ZPBP: variants seen among roughly 807,000 people sequenced by gnomAD.
The protein encoded by ZPBP is zona pellucida binding protein, also known as zona pellucida-binding protein 1.
ZPBP carries 26 observed loss-of-function variants against 44.8 expected under a neutral mutation model. The observed-to-expected ratio is 0.58, with a 90% confidence interval of 0.43 to 0.81. ZPBP has a LOEUF of 0.81. Ranked by LOEUF, ZPBP falls within the 30% of genes least tolerant of loss-of-function variation. The pLI is 0.00. For missense variants in ZPBP, 409 were observed against 434.0 expected, an observed-to-expected ratio of 0.94 and a Z score of 0.51; for synonymous variants, 174 against 153.2, an observed-to-expected ratio of 1.14 and a Z score of -1.00.
intron 3 of ZPBP, among the ~76,000 whole-genome samples, chr7:50,074,516 A>G (rs187609480): frequency 1.3e-5 from 2 of 152,086 alleles, no homozygotes; most frequent in African/African-American, 4.8e-5. Context: ...TCTACTGCCT[A>G]TAAGAAACAC....
chr7:49,961,099 A>G lies in ZPBP; in HGVS notation c.961+22243T>C, dbSNP rs145880193. 5.6e-3 allele frequency among the ~76,000 whole-genome samples: 852 copies of G among 152,306 alleles called. 30 individuals are homozygous for G. The highest frequency in any genetic ancestry group is 0.049 in the Admixed American group (745 of 15,276). On this transcript the variant is annotated intron_variant, in intron 7 of 7. Transcript: ENST00000046087. ...ACACTAACCATATGACCCAGCAATC[A>G]CAGTCATAGGTATTTTTCCAGGAGA...
At chr7:49,941,667 A>G (rs548326509) in intron 7 of ZPBP, among the ~76,000 whole-genome samples, 6 of 152,284 alleles carry the variant, frequency 3.9e-5, no homozygotes, top group African/African-American at 1.4e-4. Context: ...AAGACATATC[A>G]TGTTCATGGG....
In ZPBP at chr7:50,051,176, GA is replaced by G. The variant is rs370738358; in HGVS notation, c.487+6812del. Among the ~76,000 whole-genome samples the G allele has an allele frequency of 1.4e-3, 220 of 152,080 alleles. 3 individuals are homozygous for G. The highest frequency in any genetic ancestry group is 5.1e-3 in the African/African-American group (210 of 41,510). ...AGATATTCATGGGGCAAACAAACAT[GA>G]AAAAAAGCTCAACATCACTGATCAT... On this transcript the variant is annotated intron_variant, in intron 4 of 7. Coordinates refer to ENST00000046087, the MANE Select transcript of ZPBP (RefSeq NM_007009.3).
At chr7:50,062,915 G>A (rs1056521575) in intron 3 of ZPBP, among the ~76,000 whole-genome samples, 3 of 150,432 alleles carry the variant, frequency 2.0e-5, no homozygotes, top group Admixed American at 1.3e-4. Context: ...TTATTTAGGT[G>A]CACCAGCCCA....
chr7:50,074,605 G>C (rs2128845693), intron 3 of ZPBP, among the ~76,000 whole-genome samples: 1 of 151,886 alleles, frequency 6.6e-6, no homozygotes, highest in Middle Eastern at 3.4e-3. Context: ...GAGCAAAAAA[G>C]AGTGGCAATT....
intron 5 of ZPBP, among the ~76,000 whole-genome samples, chr7:50,024,851 G>A (rs747838536): frequency 1.8e-4 from 28 of 151,976 alleles, no homozygotes; most frequent in Admixed American, 3.9e-4. Flanking sequence ...TTACCATGGG[G>A]TGGAGGGGAA....
downstream of ZPBP, among the ~76,000 whole-genome samples, chr7:49,846,227 C>T (rs1789941524): frequency 6.6e-6 from 1 of 152,160 alleles, no homozygotes; most frequent in Non-Finnish European, 1.5e-5. Flanking sequence ...CAAAGAGTCG[C>T]CCCCAAGACT....
At chr7:50,017,304 A>G (rs985142536) in intron 6 of ZPBP, among the ~76,000 whole-genome samples, 1 of 152,048 alleles carries the variant, frequency 6.6e-6, no homozygotes, top group African/African-American at 2.4e-5. Flanking sequence ...TAGCATTTGC[A>G]CTCCCATAAG....
chr7:49,947,907 C>A (rs2128756596), intron 7 of ZPBP, among the ~76,000 whole-genome samples: 1 of 152,324 alleles, frequency 6.6e-6, no homozygotes, highest in South Asian at 2.1e-4. Flanking sequence ...ACCAAAGCTT[C>A]AAGACAAAGT....
chr7:50,039,013 C>A (rs950890410), intron 4 of ZPBP, among the ~76,000 whole-genome samples: 1 of 152,134 alleles, frequency 6.6e-6, no homozygotes, highest in African/African-American at 2.4e-5. Context: ...ACTAGATTAT[C>A]TAAAATGTGA....
chr7:49,999,948 A>C (rs916123113), intron 6 of ZPBP, among the ~76,000 whole-genome samples: 2 of 152,164 alleles, frequency 1.3e-5, no homozygotes, highest in Non-Finnish European at 2.9e-5. Context: ...TGAAGCAAAA[A>C]TTATAACCCC....
intron 2 of ZPBP, among the ~76,000 whole-genome samples, chr7:49,855,951 C>A (rs1366643756): frequency 6.6e-6 from 1 of 152,162 alleles, no homozygotes; most frequent in Admixed American, 6.5e-5. Flanking sequence ...AGACACTAAG[C>A]CCCACAGTTT....
intron 1 of ZPBP, chr7:49,919,204 C>T (rs1793891039): frequency 6.6e-6 from 1 of 152,082 alleles, no homozygotes; most frequent in Admixed American, 6.6e-5. Context: ...CTTACTGAAT[C>T]GATTTATTCA....
rs150443412 is a variant in ZPBP at position 50,055,771 on chromosome 7, A to G, written c.487+2218T>C. ...GGTACCTCATAAGTGCTCAGTAAATATTAGCTATCATTATCATTATTATAA... is the reference window on the plus strand; with the variant it reads ...GGTACCTCATAAGTGCTCAGTAAATGTTAGCTATCATTATCATTATTATAA... On this transcript the variant is annotated intron_variant, in intron 4 of 7. Transcript: ENST00000046087. Among the ~76,000 whole-genome samples the G allele has an allele frequency of 1.9e-3, 284 of 152,310 alleles. 1 individual carries two copies. The highest frequency in any genetic ancestry group is 3.3e-3 in the Non-Finnish European group (222 of 68,004).
chr7:50,078,861 A>G (rs1448020208), intron 3 of ZPBP, among the ~76,000 whole-genome samples: 5 of 151,636 alleles, frequency 3.3e-5, no homozygotes, highest in Admixed American at 6.6e-5. Flanking sequence ...AACAAAACAA[A>G]CAAAAATCAA....
At chr7:50,024,607 GA>G (rs887098906) in intron 5 of ZPBP, among the ~76,000 whole-genome samples, 3 of 151,522 alleles carry the variant, frequency 2.0e-5, no homozygotes, top group Non-Finnish European at 4.4e-5. Context: ...CTCACTTTAA[GA>G]AAAAAAACAT....
At chr7:50,062,434 G>C (rs1252762485) in intron 3 of ZPBP, among the ~76,000 whole-genome samples, 2 of 152,128 alleles carry the variant, frequency 1.3e-5, no homozygotes, top group East Asian at 3.9e-4. Context: ...ACACTACAGG[G>C]CTATAGTAAC....
chr7:49,973,551 A>G (rs1438207625), intron 7 of ZPBP, among the ~76,000 whole-genome samples: 1 of 152,144 alleles, frequency 6.6e-6, no homozygotes, highest in Non-Finnish European at 1.5e-5. Flanking sequence ...CATTTCTCCA[A>G]AGAAGATATA....
intron 7 of ZPBP, among the ~76,000 whole-genome samples, chr7:49,940,971 A>G (rs1262465111): frequency 6.6e-6 from 1 of 152,158 alleles, no homozygotes; most frequent in Non-Finnish European, 1.5e-5. Flanking sequence ...CTCTTAGAGA[A>G]GAAGATATCT....
Sources: gnomAD v4.1 joint callset for allele counts (sites outside exome capture counted in the v4.1 genomes callset) on GRCh38, gnomAD v4.1.1 for gene constraint, MANE v1.5 for transcripts, NCBI Gene and HGNC (gene_info 2026-07-23, HGNC 2026-07-21) for gene names.